Variants in PIK3C2G observed in about 807,000 individuals in gnomAD.
PIK3C2G encodes phosphatidylinositol-4-phosphate 3-kinase catalytic subunit type 2 gamma.
A neutral mutation model predicts 181.1 loss-of-function variants in PIK3C2G; 168 were observed. That is an observed-to-expected ratio of 0.93 (90% confidence interval 0.82 to 1.05). The LOEUF (loss-of-function observed/expected upper bound fraction) is 1.05, where lower values mean the gene tolerates loss of function less well. Among genes scored for constraint, PIK3C2G ranks in the 50% least tolerant of loss-of-function variants. The pLI is 0.00. For synonymous variants in PIK3C2G, 573 were observed against 592.2 expected (o/e 0.97, Z 0.47); for missense variants, 1,869 against 1,732.8 (o/e 1.08, Z -1.40).
chr12:18,551,184 C>T (rs116468741), intron 26 of PIK3C2G, among the ~76,000 whole-genome samples: 1,759 of 152,172 alleles, frequency 0.012, 34 homozygotes, highest in African/African-American at 0.04. Flanking sequence ...TTTCACTCCC[C>T]TTACAGCTGA....
chr12:18,428,377 G>A (rs764113985), intron 18 of PIK3C2G, among the ~76,000 whole-genome samples: 1 of 149,976 alleles, frequency 6.7e-6, no homozygotes, highest in Middle Eastern at 3.5e-3. Context: ...ATGAGTTTAT[G>A]AGATTTTTTT....
At chr12:18,612,941 A>G (rs1033355853) in intron 31 of PIK3C2G, among the ~76,000 whole-genome samples, 2 of 152,136 alleles carry the variant, frequency 1.3e-5, no homozygotes, top group East Asian at 1.9e-4. Context: ...AAAGCATCAC[A>G]ATATGATTCA....
At chr12:18,704,981 C>T in the PIK3C2G span, among the ~76,000 whole-genome samples, 11 of 152,074 alleles carry the variant, frequency 7.2e-5, no homozygotes, top group Non-Finnish European at 1.0e-4. Flanking sequence ...AAATTTTAAT[C>T]GAAATATATT....
At chr12:18,470,514 G>T (rs73068573) in intron 18 of PIK3C2G, among the ~76,000 whole-genome samples, 2 of 152,044 alleles carry the variant, frequency 1.3e-5, no homozygotes, top group African/African-American at 4.8e-5. Flanking sequence ...ACCATAGAAA[G>T]TTGTGCACTT....
intron 18 of PIK3C2G, among the ~76,000 whole-genome samples, chr12:18,442,490 G>T (rs773385619): frequency 6.6e-6 from 1 of 152,078 alleles, no homozygotes; most frequent in Non-Finnish European, 1.5e-5. Flanking sequence ...AATATCTTTC[G>T]ATTTGGAGGA....
intron 31 of PIK3C2G, among the ~76,000 whole-genome samples, chr12:18,634,232 C>A (rs1949490205): frequency 6.6e-6 from 1 of 152,090 alleles, no homozygotes; most frequent in African/African-American, 2.4e-5. Flanking sequence ...ATGTGAGTCC[C>A]ATAATCATAA....
At chr12:18,347,205 T>C (rs1232192505) in intron 11 of PIK3C2G, among the ~76,000 whole-genome samples, 1 of 150,982 alleles carries the variant, frequency 6.6e-6, no homozygotes, top group African/African-American at 2.4e-5. Flanking sequence ...TGCAGAGAGA[T>C]AGAGAGTCTT....
intron 16 of PIK3C2G, among the ~76,000 whole-genome samples, chr12:18,417,281 T>G (rs1264992158): frequency 6.6e-6 from 1 of 152,194 alleles, no homozygotes; most frequent in African/African-American, 2.4e-5. Flanking sequence ...AATTTACTCC[T>G]GGTGAAGATG....
At chr12:18,486,873 G>T (rs967906724) in intron 18 of PIK3C2G, among the ~76,000 whole-genome samples, 1 of 152,154 alleles carries the variant, frequency 6.6e-6, no homozygotes, top group Non-Finnish European at 1.5e-5. Flanking sequence ...ACAAGTGCAT[G>T]CCTGCATCTG....
rs73342923 is a variant in PIK3C2G at position 18,399,467 on chromosome 12, A to G, written c.2127-192A>G. ...ATTTTTTTCAAAATAATAATACAAA[A>G]GAATAAAGTTAGTGGAAAATAAACT... is the stretch of plus-strand genomic sequence containing the variant. On this transcript the variant is annotated intron_variant, in intron 15 of 32. Transcript: ENST00000538779. Among the ~76,000 whole-genome samples, 582 of 152,114 alleles carry G rather than the reference A, an allele frequency of 3.8e-3. 7 individuals carry two copies. The highest frequency in any genetic ancestry group is 0.013 in the African/African-American group (544 of 41,536).
chr12:18,253,769 A>G (rs1292095582), intron 1 of PIK3C2G, among the ~76,000 whole-genome samples: 1 of 152,088 alleles, frequency 6.6e-6, no homozygotes, highest in Non-Finnish European at 1.5e-5. Flanking sequence ...CTTATGTTCT[A>G]TATTCTAATT....
chr12:18,559,934 C>T (rs988697420), intron 26 of PIK3C2G, among the ~76,000 whole-genome samples: 2 of 149,782 alleles, frequency 1.3e-5, no homozygotes, highest in Non-Finnish European at 3.0e-5. Context: ...ACCTCCACCT[C>T]CCAGATCCAA....
intron 24 of PIK3C2G, among the ~76,000 whole-genome samples, chr12:18,532,407 G>A (rs1268983474): frequency 1.3e-5 from 2 of 152,146 alleles, no homozygotes; most frequent in Admixed American, 6.5e-5. Flanking sequence ...AGCCCTAAAT[G>A]TAAAAGACTT....
At chr12:18,701,244 C>A in the PIK3C2G span, among the ~76,000 whole-genome samples, 1 of 152,044 alleles carries the variant, frequency 6.6e-6, no homozygotes, top group Non-Finnish European at 1.5e-5. Context: ...CTCAGCCTCC[C>A]AAAGTGCTGG....
chr12:18,281,625 G>A (rs1949222029), intron 1 of PIK3C2G, among the ~76,000 whole-genome samples: 1 of 152,028 alleles, frequency 6.6e-6, no homozygotes, highest in African/African-American at 2.4e-5. Context: ...TGGTCAAGAA[G>A]AGACTGTTTA....
At chr12:18,398,703 C>T (rs1435188359) in intron 15 of PIK3C2G, among the ~76,000 whole-genome samples, 1 of 152,168 alleles carries the variant, frequency 6.6e-6, no homozygotes, top group Non-Finnish European at 1.5e-5. Flanking sequence ...TTATTTCAGA[C>T]TACTCTCCAG....
At chr12:18,475,538 G>A (rs910173674) in intron 18 of PIK3C2G, among the ~76,000 whole-genome samples, 5 of 151,636 alleles carry the variant, frequency 3.3e-5, no homozygotes, top group Middle Eastern at 3.4e-3. Context: ...CTTTACCAAC[G>A]ATGGGGGTTC....
At chr12:18,581,588 C>T (rs535482873) in intron 29 of PIK3C2G, among the ~76,000 whole-genome samples, 1 of 152,290 alleles carries the variant, frequency 6.6e-6, no homozygotes, top group Admixed American at 6.5e-5. Context: ...ACTGGCTGAA[C>T]ATTTACTGTG....
the PIK3C2G span, among the ~76,000 whole-genome samples, chr12:18,676,900 AT>A: frequency 6.6e-6 from 1 of 152,112 alleles, no homozygotes. Context: ...TGCATTCCTC[AT>A]TTTTTAAAAC....
Sources: gnomAD v4.1 joint callset for allele counts (sites outside exome capture counted in the v4.1 genomes callset) on GRCh38, gnomAD v4.1.1 for gene constraint, MANE v1.5 for transcripts, NCBI Gene and HGNC (gene_info 2026-07-23, HGNC 2026-07-21) for gene names.